The following TCF25 variants were observed in gnomAD, a reference collection of about 807,000 sequenced individuals.
TCF25 encodes the protein ribosome quality control complex subunit TCF25.
A neutral mutation model predicts 83.1 loss-of-function variants in TCF25; 41 were observed. The observed-to-expected ratio is 0.49, with a 90% CI of 0.38 to 0.64. The LOEUF is 0.64. Among genes scored for constraint, TCF25 ranks in the 30% least tolerant of loss-of-function variants. The pLI is 0.00. For synonymous variants in TCF25, 458 were observed against 365.0 expected, an observed-to-expected ratio of 1.25 and a Z score of -2.90; for missense variants, 979 against 914.5, an observed-to-expected ratio of 1.07 and a Z score of -0.91.
chr16:89,878,433 C>CTTTTTTTTTTT (rs1567692443), intron 1 of TCF25: 2 of 862,022 alleles, frequency 2.3e-6, no homozygotes, highest in Non-Finnish European at 3.1e-6. Flanking sequence ...TAAAAATCAC[C>CTTTTTTTTTTT]ATTTTTTTTT....
chr16:89,886,118 C>G (rs1567705328), intron 4 of TCF25, 152 bp downstream of exon 4: 2 of 657,788 alleles, frequency 3.0e-6, no homozygotes, highest in South Asian at 1.5e-5. Flanking sequence ...AATGTACTGT[C>G]TTTATTTAAA....
chr16:89,898,712 A>C (rs1244859741), intron 10 of TCF25, 55 bp from the exon 11 acceptor site: 1 of 1,612,352 alleles, frequency 6.2e-7, no homozygotes, highest in Non-Finnish European at 8.5e-7. Context: ...GCCCACTCTC[A>C]GCCTGACGAT....
rs553075927 is a variant in TCF25 at position 89,905,784 on chromosome 16, A to G, written c.1629-410A>G. Among the ~76,000 whole-genome samples, 16 of 152,304 alleles carry G rather than the reference A, an allele frequency of 1.1e-4. No homozygotes were observed. The South Asian group carries it at 2.9e-3, about 28-fold the overall frequency. ...ACTGGACATTCTCATGGACAGGAGC[A>G]TTTTGTTCCCTGTACTGCTCTCCAA... On this transcript the variant is annotated intron_variant, in intron 14 of 17. Transcript: ENST00000263346.
chr16:89,882,780 T>G (rs1597279708), intron 1 of TCF25, among the ~76,000 whole-genome samples: 1 of 152,118 alleles, frequency 6.6e-6, no homozygotes, highest in African/African-American at 2.4e-5. Context: ...AGAGACAGGG[T>G]TTCGCCATGT....
chr16:89,874,065 C>T (rs1337379222), intron 1 of TCF25, among the ~76,000 whole-genome samples: 1 of 126,834 alleles, frequency 7.9e-6, no homozygotes, highest in Non-Finnish European at 1.6e-5. Flanking sequence ...GACGGCGGGC[C>T]GCGGAGTTAG....
At position 89,906,097 on chromosome 16, in the gene TCF25, C is replaced by T. The variant is rs113509714; in HGVS notation, c.1629-97C>T. On this transcript the variant is annotated intron_variant, in intron 14 of 17. Coordinates refer to ENST00000263346, the MANE Select transcript of TCF25 (RefSeq NM_014972.3). ...CAGCCACCAGAGATGCAGCGAGATG[C>T]CTCGTGCTGGGTGGGGGTGGGGGCC... The T allele has an allele frequency of 2.0e-5, 21 of 1,039,410 alleles. 1 individual carries two copies. Among genetic ancestry groups the T allele is most frequent in the African/African-American group, 1.7e-4 (11 of 63,160 alleles). 64.4% of individuals were successfully genotyped at this position (1,039,410 alleles called of 1,614,324 possible). A position where few individuals can be genotyped will look rare whatever the true frequency, so the allele number is the denominator to read the frequency against.
Position 89,892,190 on chromosome 16 carries a change from C to A in TCF25, c.615-3C>A. The A allele has an allele frequency of 6.2e-7, 1 of 1,605,974 alleles. No homozygotes were observed. The highest frequency in any genetic ancestry group is 1.1e-5 in the South Asian group (1 of 90,026). ...AGCTGTACCTGTGTCCCGTTCTCCC[C>A]AGGCCACGGCAGAGACAACGTGTGT... On this transcript the variant is annotated splice_region_variant and splice_polypyrimidine_tract_variant and intron_variant, in intron 5 of 17. Coordinates refer to ENST00000263346, the MANE Select transcript of TCF25 (RefSeq NM_014972.3).
chr16:89,885,483 A>C (rs574711360), intron 3 of TCF25, among the ~76,000 whole-genome samples: 1 of 152,274 alleles, frequency 6.6e-6, no homozygotes, highest in East Asian at 1.9e-4. Context: ...ATATGTTTTC[A>C]TCATTGCCCT....
chr16:89,906,286 T>G lies in TCF25; in HGVS notation c.1719+2T>G. On this transcript the variant is annotated splice_donor_variant, in intron 15 of 17. Transcript: ENST00000263346. LOFTEE classifies it high-confidence loss of function. Reference sequence around the variant, plus strand: ...GAAGCCGTCGCTGCCCTGCCCCCGGTAAGGGAGAAAGGCTGAAATGGGAGC... The same window carrying G: ...GAAGCCGTCGCTGCCCTGCCCCCGGGAAGGGAGAAAGGCTGAAATGGGAGC... The G allele has an allele frequency of 6.2e-7, 1 of 1,612,538 alleles. No homozygotes were observed. Among genetic ancestry groups the G allele is most frequent in the Non-Finnish European group, 8.5e-7 (1 of 1,179,766 alleles).
chr16:89,898,624 C>G lies in TCF25; in HGVS notation c.1090C>G (p.Leu364Val), dbSNP rs761596162. Residue 364 changes from leucine (L) to valine (V), a missense_variant, in exon 10 of 18, where the codon CTG (leucine) becomes GTG (valine). Transcript: ENST00000263346. ...GAAGCGAGGCTGCCCGCGCACGGCG[C>G]TGGAGTACTGCAAGCTCATCCTGAG... ...LEKRGCPRTA[L>V]EYCKLILSLE... The G allele has an allele frequency of 1.3e-5, 21 of 1,612,900 alleles. No individual in the cohort carries two copies. The East Asian group carries it at 4.7e-4, about 36-fold the overall frequency.
In TCF25 at chr16:89,892,288, A is replaced by C; in HGVS notation, c.697+13A>C. The C allele has an allele frequency of 6.2e-7, 1 of 1,600,144 alleles. No individual in the cohort carries two copies. Among genetic ancestry groups the C allele is most frequent in the African/African-American group, 1.3e-5 (1 of 74,514 alleles). On this transcript the variant is annotated intron_variant, in intron 6 of 17. Transcript: ENST00000263346. ...TACAGCAAACCAGGTGAGGGTCTGC[A>C]GATGCTGCTGGGGATGGAGGGTTGG...
intron 5 of TCF25, chr16:89,889,473 A>T (rs919946040): frequency 9.7e-6 from 2 of 207,088 alleles, no homozygotes; most frequent in African/African-American, 4.8e-5. Context: ...CACCACGCCC[A>T]GCCAGACACA....
rs750427021 is a variant in TCF25, at chr16:89,885,937, C to T, written c.519C>T (p.Ser173=). 12 of 1,560,588 alleles carry T rather than the reference C, an allele frequency of 7.7e-6. No individual in the cohort carries two copies. Among genetic ancestry groups the T allele is most frequent in the Non-Finnish European group, 9.5e-6 (11 of 1,153,400 alleles). ...GTCCCGGCCCAGCTCCCCTGAGCTCCAGGAAGCACGTTCTCTACGTGGAGC... is the reference window on the plus strand; with the variant it reads ...GTCCCGGCCCAGCTCCCCTGAGCTCTAGGAAGCACGTTCTCTACGTGGAGC... ...LNRPGPAPLS[S]RKHVLYVEHR... Residue 173 remains serine (S), a synonymous_variant, in exon 4 of 18, where the codon TCC becomes TCT. Coordinates refer to ENST00000263346, the MANE Select transcript of TCF25 (RefSeq NM_014972.3).
Position 89,873,757 on chromosome 16 carries a change from T to C in TCF25, c.90T>C (p.Asp30=). 1.9e-6 allele frequency: 3 copies of C among 1,611,442 alleles called. No individual in the cohort carries two copies. The highest frequency in any genetic ancestry group is 1.7e-4 in the Middle Eastern group (1 of 6,048). ...GPGALHFDLR[D]DDDAEEEGPK... ...GCGCCTTGCATTTCGATCTCCGTGA[T>C]GACGATGACGCGGAAGAAGAAGGGC... The change falls in exon 1 of 18, where the codon GAT becomes GAC. Residue 30 remains aspartate, a synonymous_variant. Coordinates refer to ENST00000263346, the MANE Select transcript of TCF25 (RefSeq NM_014972.3).
Position 89,898,799 on chromosome 16 carries a change from T to C in TCF25, c.1148T>C (p.Leu383Pro). Reference sequence around the variant, plus strand: ...CCGGATGAGGACCCCCTCTGCATGCTGCTGCTCATCGACCACCTGGCCTTG... The same window carrying C: ...CCGGATGAGGACCCCCTCTGCATGCCGCTGCTCATCGACCACCTGGCCTTG... ...LEPDEDPLCM[L>P]LLIDHLALRA... Residue 383 changes from leucine (L) to proline (P), a missense_variant, in exon 11 of 18, where the codon CTG becomes CCG. Transcript: ENST00000263346. The C allele has an allele frequency of 6.2e-7, 1 of 1,613,970 alleles. No individual in the cohort carries two copies. Among genetic ancestry groups the C allele is most frequent in the Middle Eastern group, 1.6e-4 (1 of 6,062 alleles).
At position 89,873,791 on chromosome 16, in the gene TCF25, G is replaced by C. The variant is rs1188456550; in HGVS notation, c.124G>C (p.Glu42Gln). 5 of 1,606,866 alleles carry C rather than the reference G, an allele frequency of 3.1e-6. No individual in the cohort carries two copies. The highest frequency in any genetic ancestry group is 1.7e-5 in the Admixed American group (1 of 59,000). The change falls in exon 1 of 18, where the codon GAG (glutamate) becomes CAG (glutamine). Residue 42 changes from glutamate (E) to glutamine (Q), a missense_variant. Physicochemically the swap from Glu to Gln is conservative, Grantham distance 29. Transcript: ENST00000263346. ...DDAEEEGPKRELGVRRPGGAG... is the reference protein window; with the variant it reads ...DDAEEEGPKRQLGVRRPGGAG... ...CGCGGAAGAAGAAGGGCCCAAGCGG[G>C]AGCTTGGTGTCCGGCGTCCCGGGGG...
At chr16:89,898,994 C>A in intron 11 of TCF25, 122 bp downstream of exon 11, 1 of 916,388 alleles carries the variant, frequency 1.1e-6, no homozygotes, top group South Asian at 1.5e-5. Context: ...CGTCTGAGGG[C>A]AGAACCACGT....
intron 2 of TCF25, chr16:89,883,860 GTGCC>G (rs2042788832): frequency 8.6e-6 from 2 of 232,638 alleles, no homozygotes; most frequent in East Asian, 9.4e-5. Context: ...CTTCCTAACT[GTGCC>G]CCGAACGTTT....
intron 4 of TCF25, 81 bp from the exon 5 acceptor site, chr16:89,887,571 T>G: frequency 7.4e-7 from 1 of 1,353,718 alleles, no homozygotes; most frequent in Non-Finnish European, 9.9e-7. Flanking sequence ...TCTCCTTGAC[T>G]ATTAGGTGGC....
Sources: allele counts gnomAD v4.1 joint callset (sites outside exome capture counted in the v4.1 genomes callset), GRCh38; gene constraint gnomAD v4.1.1; transcripts MANE v1.5; gene names NCBI Gene and HGNC (gene_info 2026-07-23, HGNC 2026-07-21).